Variants in UQCRH observed in about 807,000 individuals in gnomAD.
UQCRH encodes the protein cytochrome b-c1 complex subunit 6, mitochondrial.
UQCRH carries 14 observed loss-of-function variants against 16.3 expected under a neutral mutation model. The ratio of observed to expected loss-of-function variants is 0.86; its 90% CI spans 0.57 to 1.34. The LOEUF (loss-of-function observed/expected upper bound fraction) is 1.34. Among genes scored for constraint, UQCRH ranks in the 40% most tolerant of loss-of-function variants. The pLI, the probability that UQCRH is intolerant of heterozygous loss-of-function variation, is 0.00. For synonymous variants in UQCRH, 41 were observed against 41.9 expected, an observed-to-expected ratio of 0.98 and a Z score of 0.08; for missense variants, 89 against 111.9, an observed-to-expected ratio of 0.80 and a Z score of 0.92.
At position 46,310,317 on chromosome 1, in the gene UQCRH, G is replaced by A. The variant is rs201496001; in HGVS notation, c.243+1G>A. The A allele has an allele frequency of 3.1e-6, 5 of 1,614,092 alleles. No homozygotes were observed. Among genetic ancestry groups the A allele is most frequent in the Admixed American group, 1.7e-5 (1 of 60,006 alleles). On this transcript the variant is annotated splice_donor_variant, in intron 3 of 3. Coordinates refer to ENST00000311672, the MANE Select transcript of UQCRH (RefSeq NM_006004.4). LOFTEE classifies it high-confidence loss of function. The stretch of plus-strand genomic sequence containing the variant: ...CTTCTTGCATGCGAGGGACCATTGC[G>A]TAAGTCAGTGGGAAGTCAGGAAGGG...
At chr1:46,305,751 AAAAT>A (rs148697121) in intron 1 of UQCRH, among the ~76,000 whole-genome samples, 139,060 of 144,966 alleles carry the variant, frequency 0.96, 66,756 homozygotes, top group East Asian at 0.99. Flanking sequence ...ACTCCGTCTC[AAAAT>A]AAATAAATAA....
chr1:46,304,383 ATTAATT>A (rs1236950903), intron 1 of UQCRH, among the ~76,000 whole-genome samples: 4 of 92,246 alleles, frequency 4.3e-5, no homozygotes, highest in Non-Finnish European at 7.9e-5. Flanking sequence ...ATATGCACTA[ATTAATT>A]TTTTTTTTTT....
intron 1 of UQCRH, among the ~76,000 whole-genome samples, chr1:46,305,710 C>T (rs1661361167): frequency 6.6e-6 from 1 of 151,566 alleles, no homozygotes. Flanking sequence ...AAGGTCGCGC[C>T]ACTGCACTCC....
chr1:46,314,713 T>C (rs570444597), intron 3 of UQCRH, among the ~76,000 whole-genome samples: 1 of 150,694 alleles, frequency 6.6e-6, no homozygotes, highest in Admixed American at 6.6e-5. Flanking sequence ...TGACACGTGC[T>C]GCAACATTGA....
chr1:46,304,426 C>T (rs1430360805), intron 1 of UQCRH, among the ~76,000 whole-genome samples: 2 of 151,772 alleles, frequency 1.3e-5, no homozygotes, highest in Non-Finnish European at 1.5e-5. Context: ...CGCTCTGTCG[C>T]CCAGGCTGGA....
chr1:46,303,708 C>G lies in UQCRH; in HGVS notation c.-59C>G, dbSNP rs1354600751. On this transcript the variant is annotated 5_prime_UTR_variant, in exon 1 of 4. Coordinates refer to ENST00000311672, the MANE Select transcript of UQCRH (RefSeq NM_006004.4). The stretch of plus-strand genomic sequence containing the variant: ...TGACCCTTACAAGTCCTTCTTGATC[C>G]TGAACTGGGTTAGGTGCCGCTGTTG... The G allele has an allele frequency of 2.5e-6, 4 of 1,612,724 alleles. No individual in the cohort carries two copies. Among genetic ancestry groups the G allele is most frequent in the Non-Finnish European group, 3.4e-6 (4 of 1,179,300 alleles).
intron 3 of UQCRH, among the ~76,000 whole-genome samples, chr1:46,313,367 G>A (rs771069105): frequency 1.3e-5 from 2 of 152,158 alleles, no homozygotes; most frequent in African/African-American, 4.8e-5. Flanking sequence ...GGTGGCTCAC[G>A]CCTGTAATCC....
At chr1:46,310,446 C>T in intron 3 of UQCRH, 130 bp downstream of exon 3, 1 of 1,354,800 alleles carries the variant, frequency 7.4e-7, no homozygotes, top group Non-Finnish European at 1.0e-6. Flanking sequence ...ATATGGTGCG[C>T]TGAGCATTTT....
At position 46,316,604 on chromosome 1, in the gene UQCRH, C is replaced by T. The variant is rs750759688; in HGVS notation, c.*20C>T. 2.5e-6 allele frequency: 4 copies of T among 1,611,698 alleles called. No homozygotes were observed. Among genetic ancestry groups the T allele is most frequent in the Non-Finnish European group, 3.4e-6 (4 of 1,179,638 alleles). ...AAATAAATGTGTGGACTTAATTCAC[C>T]CCAGTCTTCATCATCTGGGCATCAG... is the stretch of plus-strand genomic sequence containing the variant. On this transcript the variant is annotated 3_prime_UTR_variant, in exon 4 of 4. Transcript: ENST00000311672.
intron 1 of UQCRH, among the ~76,000 whole-genome samples, 157 bp downstream of exon 1, chr1:46,303,977 C>T (rs971750606): frequency 1.3e-5 from 2 of 152,210 alleles, no homozygotes; most frequent in African/African-American, 4.8e-5. Context: ...AGAATTCGTC[C>T]GGTGACTTTG....
rs200789046 is a variant in UQCRH at position 46,316,537 on chromosome 1, C to T, written c.244-15C>T. 190 of 1,613,476 alleles carry T rather than the reference C, an allele frequency of 1.2e-4. No individual in the cohort carries two copies. The highest frequency in any genetic ancestry group is 1.5e-4 in the Non-Finnish European group (178 of 1,179,792). ...AGCTGCCAATTGATTACCTCCTTTT[C>T]TTTCCCCCATCTAGGTGGCCCACAA... is the stretch of plus-strand genomic sequence containing the variant. On this transcript the variant is annotated splice_polypyrimidine_tract_variant and intron_variant, in intron 3 of 3. Coordinates refer to ENST00000311672, the MANE Select transcript of UQCRH (RefSeq NM_006004.4).
chr1:46,305,728 G>T (rs1186781739), intron 1 of UQCRH, among the ~76,000 whole-genome samples: 3 of 146,920 alleles, frequency 2.0e-5, no homozygotes, highest in Non-Finnish European at 4.5e-5. Context: ...TCCAGCCTGG[G>T]CGACAGAGCG....
At chr1:46,308,054 G>A (rs1002413769) in intron 1 of UQCRH, among the ~76,000 whole-genome samples, 1 of 152,192 alleles carries the variant, frequency 6.6e-6, no homozygotes, top group Non-Finnish European at 1.5e-5. Context: ...TTAAGGGACT[G>A]TTGTGATTAA....
chr1:46,311,332 CGG>C (rs1366653531), intron 3 of UQCRH, among the ~76,000 whole-genome samples: 9 of 137,236 alleles, frequency 6.6e-5, no homozygotes, highest in Admixed American at 2.8e-4. Flanking sequence ...GAGGCGGAGG[CGG>C]AGGCGGAGGC....
chr1:46,313,682 T>TAGAC (rs1338353444), intron 3 of UQCRH, among the ~76,000 whole-genome samples: 148 of 149,760 alleles, frequency 9.9e-4, no homozygotes, highest in African/African-American at 3.5e-3. Context: ...GATAGATAGA[T>TAGAC]AGATATAGAT....
chr1:46,311,388 G>C (rs1471338333), intron 3 of UQCRH, among the ~76,000 whole-genome samples: 7 of 150,376 alleles, frequency 4.7e-5, no homozygotes, highest in Admixed American at 4.0e-4. Context: ...GACCATCTTG[G>C]CTAACACAGC....
intron 1 of UQCRH, among the ~76,000 whole-genome samples, chr1:46,307,041 A>G (rs1303100358): frequency 1.3e-5 from 2 of 152,040 alleles, no homozygotes; most frequent in Non-Finnish European, 2.9e-5. Flanking sequence ...GTGCGCCACC[A>G]TGCCCGGCTA....
intron 3 of UQCRH, among the ~76,000 whole-genome samples, chr1:46,314,768 T>C (rs1661549480): frequency 6.6e-6 from 1 of 152,006 alleles, no homozygotes; most frequent in Non-Finnish European, 1.5e-5. Flanking sequence ...AGACAAACAT[T>C]GTATTGTTCC....
At chr1:46,311,718 G>A (rs1661480626) in intron 3 of UQCRH, among the ~76,000 whole-genome samples, 2 of 147,804 alleles carry the variant, frequency 1.4e-5, no homozygotes, top group South Asian at 2.2e-4. Context: ...TCTGCCTCCC[G>A]AGTAGCTGGG....
Sources: allele counts gnomAD v4.1 joint callset (sites outside exome capture counted in the v4.1 genomes callset), GRCh38; gene constraint gnomAD v4.1.1; transcripts MANE v1.5; gene names NCBI Gene and HGNC (gene_info 2026-07-23, HGNC 2026-07-21).